UNC13C: variants seen among roughly 807,000 people sequenced by gnomAD.
The protein encoded by UNC13C is protein unc-13 homolog C.
In UNC13C, 174 loss-of-function variants were observed where a neutral mutation model predicts 245.4. The ratio of observed to expected loss-of-function variants is 0.71; its 90% CI spans 0.63 to 0.80. The LOEUF (loss-of-function observed/expected upper bound fraction) is 0.80. Ranked by LOEUF, UNC13C falls within the 30% of genes least tolerant of loss-of-function variation. The pLI is 0.00. For synonymous variants in UNC13C, 992 were observed against 895.1 expected, an observed-to-expected ratio of 1.11 and a Z score of -1.93; for missense variants, 2,829 against 2,602.9, an observed-to-expected ratio of 1.09 and a Z score of -1.89.
Position 54,622,364 on chromosome 15 carries a change from T to C in UNC13C, c.6144T>C (p.Val2048=). ...AAGATGCCGTGGGTCAGATATCTGT[T>C]CATGTGGACATCACTGCCACCCCAG... ...SSKDAVGQIS[V]HVDITATPGT... is the part of the protein sequence containing the mutation. Residue 2048 remains valine, a synonymous_variant, in exon 31 of 33, where the codon GTT becomes GTC. Coordinates refer to ENST00000260323, the MANE Select transcript of UNC13C (RefSeq NM_001080534.3). 1 of 1,613,354 alleles carries C rather than the reference T, an allele frequency of 6.2e-7. No homozygotes were observed. Among genetic ancestry groups the C allele is most frequent in the South Asian group, 1.1e-5 (1 of 91,072 alleles).
intron 4 of UNC13C, among the ~76,000 whole-genome samples, chr15:54,166,061 G>A (rs1175776627): frequency 1.3e-5 from 2 of 152,006 alleles, no homozygotes; most frequent in African/African-American, 4.8e-5. Flanking sequence ...AGTTATTTAT[G>A]TATTAAGGGT....
chr15:54,147,550 A>G (rs2032320735), intron 4 of UNC13C, among the ~76,000 whole-genome samples: 1 of 152,110 alleles, frequency 6.6e-6, no homozygotes, highest in South Asian at 2.1e-4. Context: ...ATGATAGTGA[A>G]CAAAGTCACA....
At chr15:53,845,108 G>A in the UNC13C span, among the ~76,000 whole-genome samples, 2 of 151,974 alleles carry the variant, frequency 1.3e-5, no homozygotes, top group Non-Finnish European at 2.9e-5. Flanking sequence ...GGTGGATCAC[G>A]AGGTCAGGAG....
chr15:54,510,358 T>A (rs2141115174), intron 23 of UNC13C, among the ~76,000 whole-genome samples: 1 of 152,234 alleles, frequency 6.6e-6, no homozygotes, highest in African/African-American at 2.4e-5. Context: ...AGTTTGTGGA[T>A]TTTGGTTCAA....
chr15:53,949,817 T>G, the UNC13C span, among the ~76,000 whole-genome samples: 1 of 152,222 alleles, frequency 6.6e-6, no homozygotes, highest in Non-Finnish European at 1.5e-5. Flanking sequence ...AAGATTCTTA[T>G]GTATACTAAA....
At chr15:53,905,154 T>TA in the UNC13C span, among the ~76,000 whole-genome samples, 2 of 151,978 alleles carry the variant, frequency 1.3e-5, no homozygotes, top group African/African-American at 2.4e-5. Context: ...TGAAGGTTCC[T>TA]AAAAAAATTA....
intron 2 of UNC13C, among the ~76,000 whole-genome samples, chr15:54,020,441 A>ATTTTTTT (rs35981072): frequency 9.4e-6 from 1 of 106,834 alleles, no homozygotes; most frequent in Non-Finnish European, 1.8e-5. Context: ...CGCCCAGCTA[A>ATTTTTTT]TTTTTTTTTT....
chr15:54,476,696 C>G (rs1275398436), intron 19 of UNC13C, among the ~76,000 whole-genome samples: 38 of 150,970 alleles, frequency 2.5e-4, no homozygotes, highest in South Asian at 1.1e-3. Context: ...GTACCATGCT[C>G]TTTTGGTTAC....
chr15:54,163,140 T>A (rs966680933), intron 4 of UNC13C, among the ~76,000 whole-genome samples: 8 of 152,112 alleles, frequency 5.3e-5, no homozygotes, highest in African/African-American at 1.9e-4. Context: ...TTGAGATAGA[T>A]TACCCTGGAT....
rs1056385279 is a variant in UNC13C, at chr15:54,257,768, A to G, written c.3449-6400A>G. On this transcript the variant is annotated intron_variant, in intron 8 of 32. Coordinates refer to ENST00000260323, the MANE Select transcript of UNC13C (RefSeq NM_001080534.3). ...ATAAGGAGTGTGTGGCTTTGATTCT[A>G]CAAGAAAAAGGAGCCTGCTAACTTG... Among the ~76,000 whole-genome samples, 32 of 152,200 alleles carry G rather than the reference A, an allele frequency of 2.1e-4. 1 individual carries two copies. Among genetic ancestry groups the G allele is most frequent in the Admixed American group, 1.2e-3 (18 of 15,286 alleles).
At chr15:54,316,322 C>G (rs550996402) in intron 13 of UNC13C, among the ~76,000 whole-genome samples, 211 of 151,946 alleles carry the variant, frequency 1.4e-3, no homozygotes, top group Non-Finnish European at 2.6e-3. Flanking sequence ...ACAATATTTT[C>G]TTTCTTTCCA....
At chr15:54,312,205 A>G (rs1327018789) in intron 13 of UNC13C, among the ~76,000 whole-genome samples, 1 of 151,352 alleles carries the variant, frequency 6.6e-6, no homozygotes, top group Non-Finnish European at 1.5e-5. Context: ...ACACATATCT[A>G]TTTGTGTTTG....
chr15:54,133,498 T>A (rs1330700999), intron 2 of UNC13C, among the ~76,000 whole-genome samples: 1 of 152,184 alleles, frequency 6.6e-6, no homozygotes, highest in Non-Finnish European at 1.5e-5. Flanking sequence ...CTTACTTTAA[T>A]CCCATTTATA....
intron 19 of UNC13C, among the ~76,000 whole-genome samples, chr15:54,459,200 G>C (rs1385276335): frequency 6.6e-6 from 1 of 152,112 alleles, no homozygotes; most frequent in African/African-American, 2.4e-5. Flanking sequence ...ATTTTGTTAA[G>C]GAGGCTAAGG....
intron 27 of UNC13C, among the ~76,000 whole-genome samples, chr15:54,548,208 CTTTTTTTTT>C (rs60975842): frequency 3.7e-4 from 23 of 61,938 alleles, no homozygotes; most frequent in African/African-American, 7.0e-4. Context: ...GTTTCTTTTG[CTTTTTTTTT>C]TTTTTTTTTT....
At position 54,427,836 on chromosome 15, in the gene UNC13C, T is replaced by C. The variant is rs187719411; in HGVS notation, c.4933+12769T>C. ...GAGGGGAAATGTTCATGGATTATAA[T>C]GTTGTAAGTCCCTGCATGTCTGAAA... On this transcript the variant is annotated intron_variant, in intron 19 of 32. Coordinates refer to ENST00000260323, the MANE Select transcript of UNC13C (RefSeq NM_001080534.3). Among the ~76,000 whole-genome samples, 9 of 151,878 alleles carry C rather than the reference T, an allele frequency of 5.9e-5. No individual in the cohort carries two copies. The East Asian group carries it at 1.8e-3, about 30-fold the overall frequency.
At chr15:54,244,010 T>A (rs1317793849) in intron 7 of UNC13C, among the ~76,000 whole-genome samples, 1 of 152,218 alleles carries the variant, frequency 6.6e-6, no homozygotes, top group East Asian at 1.9e-4. Context: ...TTTCTGCTTT[T>A]GTTGCAATTG....
At chr15:54,499,120 C>A (rs1209095937) in intron 20 of UNC13C, among the ~76,000 whole-genome samples, 1 of 152,116 alleles carries the variant, frequency 6.6e-6, no homozygotes, top group Admixed American at 6.6e-5. Context: ...ATAGTGGCTT[C>A]TGCTTCTGGG....
At chr15:54,153,570 C>T (rs1897061) in intron 4 of UNC13C, among the ~76,000 whole-genome samples, 30,243 of 151,888 alleles carry the variant, frequency 0.2, 3,347 homozygotes, top group South Asian at 0.29. Context: ...TGCTTTTATG[C>T]GAAATTGATA....
Sources: gnomAD v4.1 joint callset for allele counts (sites outside exome capture counted in the v4.1 genomes callset) on GRCh38, gnomAD v4.1.1 for gene constraint, MANE v1.5 for transcripts, NCBI Gene and HGNC (gene_info 2026-07-23, HGNC 2026-07-21) for gene names.